The following NINL variants were observed in gnomAD, a reference collection of about 807,000 sequenced individuals.
The protein encoded by NINL is ninein-like protein.
A neutral mutation model predicts 160.3 loss-of-function variants in NINL; 153 were observed. The ratio of observed to expected loss-of-function variants is 0.95; its 90% confidence interval spans 0.84 to 1.09. NINL has a LOEUF of 1.09. Among genes scored for constraint, NINL ranks in the 50% least tolerant of loss-of-function variants. NINL has a pLI of 0.00. For synonymous variants in NINL, 800 were observed against 734.8 expected (o/e 1.09, Z -1.43); for missense variants, 1,829 against 1,764.0 (o/e 1.04, Z -0.66).
rs369056472 is a variant in NINL, at chr20:25,512,908, G to A, written c.376C>T (p.Arg126Cys). ...GCCTGGGTTTGCTGCTCCGGCACGC[G>A]TCTGGCTTCTGTGGCAGCGTCACAT... Reference protein sequence around the residue: ...ELCDAATEARRVPEQQTQASL... With the variant: ...ELCDAATEARCVPEQQTQASL... Residue 126 changes from arginine to cysteine, a missense_variant, in exon 4 of 24, where the codon CGC (arginine) becomes TGC (cysteine). By Grantham distance (180) the Arg-to-Cys change is radical (BLOSUM62 -3). Transcript: ENST00000278886. 1.9e-5 allele frequency: 31 copies of A among 1,614,084 alleles called. 2 individuals carry two copies. Among genetic ancestry groups the A allele is most frequent in the East Asian group, 6.7e-5 (3 of 44,896 alleles).
chr20:25,467,570 C>T (rs768343929), intron 18 of NINL, 112 bp from the exon 19 acceptor site: 20 of 788,678 alleles, frequency 2.5e-5, no homozygotes, highest in East Asian at 7.5e-5. Flanking sequence ...ACAGCAGAGA[C>T]GCCCACACCT....
At chr20:25,499,323 A>G in intron 8 of NINL, 3 of 800,448 alleles carry the variant, frequency 3.7e-6, no homozygotes, top group Non-Finnish European at 4.5e-6. Context: ...ACTGAGTTGC[A>G]AGGCAGAATT....
chr20:25,577,768 C>T (rs1015371823), intron 1 of NINL, among the ~76,000 whole-genome samples: 1 of 152,062 alleles, frequency 6.6e-6, no homozygotes, highest in Non-Finnish European at 1.5e-5. Context: ...CCAGCAGAAG[C>T]TCGGGGCTTA....
intron 8 of NINL, chr20:25,499,186 T>C (rs894793666): frequency 1.1e-5 from 11 of 985,354 alleles, no homozygotes; most frequent in Middle Eastern, 1.0e-3. Flanking sequence ...TGAGGAGCAA[T>C]GGCATCTTGG....
Position 25,531,995 on chromosome 20 carries a change from T to C in NINL, c.-11-5397A>G, listed in dbSNP as rs147438424. Among the ~76,000 whole-genome samples, 647 of 151,904 alleles carry C rather than the reference T, an allele frequency of 4.3e-3. 5 individuals carry two copies. Among genetic ancestry groups the C allele is most frequent in the African/African-American group, 0.015 (625 of 41,462 alleles). On this transcript the variant is annotated intron_variant, in intron 1 of 23. Coordinates refer to ENST00000278886, the MANE Select transcript of NINL (RefSeq NM_025176.6). ...GGCATCTTTCCCTTTCTAAACAAGA[T>C]GGGGAAAGTCTCTAACTGGGGCCTG... is the stretch of plus-strand genomic sequence containing the variant.
At chr20:25,526,748 A>G in intron 1 of NINL, 150 bp from the exon 2 acceptor site, 1 of 735,570 alleles carries the variant, frequency 1.4e-6, no homozygotes. Flanking sequence ...TGCAGGGCCA[A>G]GCACACAGTG....
intron 4 of NINL, among the ~76,000 whole-genome samples, chr20:25,511,663 A>C (rs1053037696): frequency 1.3e-5 from 2 of 152,220 alleles, no homozygotes; most frequent in Non-Finnish European, 2.9e-5. Flanking sequence ...GAATGGCACC[A>C]ATGAAGATCC....
At chr20:25,469,926 A>G in intron 18 of NINL, 65 bp downstream of exon 18, 1 of 1,073,286 alleles carries the variant, frequency 9.3e-7, no homozygotes, top group Non-Finnish European at 1.5e-6. Context: ...TGGAGACTGC[A>G]TAAGGTCACT....
chr20:25,516,266 T>G (rs2064158248), intron 3 of NINL, among the ~76,000 whole-genome samples: 1 of 152,074 alleles, frequency 6.6e-6, no homozygotes, highest in Non-Finnish European at 1.5e-5. Flanking sequence ...AATTACCCAG[T>G]CTCAGGTAGT....
intron 1 of NINL, among the ~76,000 whole-genome samples, chr20:25,578,344 G>C (rs967619800): frequency 6.6e-6 from 1 of 151,966 alleles, no homozygotes; most frequent in Non-Finnish European, 1.5e-5. Flanking sequence ...CTGACCTCAA[G>C]TGATCTGCCC....
rs186446232 is a variant in NINL at position 25,504,465 on chromosome 20, C to G, written c.709-361G>C. Among the ~76,000 whole-genome samples, 6 of 152,200 alleles carry G rather than the reference C, an allele frequency of 3.9e-5. No homozygotes were observed. The East Asian group carries it at 9.6e-4, about 24-fold the overall frequency. ...CAAGGACACAGGGCTGAGAAGAACT[C>G]CAGCAAGGCAGACTGGCCTCCCACC... On this transcript the variant is annotated intron_variant, in intron 6 of 23. Coordinates refer to ENST00000278886, the MANE Select transcript of NINL (RefSeq NM_025176.6).
At chr20:25,527,966 T>G (rs575298074) in intron 1 of NINL, among the ~76,000 whole-genome samples, 1 of 152,332 alleles carries the variant, frequency 6.6e-6, no homozygotes, top group African/African-American at 2.4e-5. Flanking sequence ...AACAGAAGAA[T>G]AGTTTGTCAA....
rs1349182461 is a variant in NINL at position 25,529,512 on chromosome 20, G to A, written c.-11-2914C>T. On this transcript the variant is annotated intron_variant, in intron 1 of 23. Transcript: ENST00000278886. ...AAATTACTCAACCCTTCTCAGACAG[G>A]AGTAGACAGAGGTTCAGACAGGGCG... Among the ~76,000 whole-genome samples the A allele has an allele frequency of 5.9e-5, 9 of 151,364 alleles. 1 individual carries two copies. The highest frequency in any genetic ancestry group is 2.2e-4 in the African/African-American group (9 of 41,464).
chr20:25,560,056 C>T (rs1418446703), intron 1 of NINL, among the ~76,000 whole-genome samples: 1 of 152,200 alleles, frequency 6.6e-6, no homozygotes, highest in Admixed American at 6.5e-5. Flanking sequence ...AAGCGATCTT[C>T]CACCCCAGAC....
At chr20:25,499,217 G>A in intron 8 of NINL, 1 of 985,356 alleles carries the variant, frequency 1.0e-6, no homozygotes, top group Non-Finnish European at 1.2e-6. Flanking sequence ...GGAGCCGCCT[G>A]GAAAGCTGTC....
chr20:25,584,888 C>G (rs767858495), intron 1 of NINL, among the ~76,000 whole-genome samples: 1 of 152,264 alleles, frequency 6.6e-6, no homozygotes, highest in Non-Finnish European at 1.5e-5. Flanking sequence ...AGGGGCGAAT[C>G]TGCAAAACGA....
chr20:25,549,948 C>T (rs549386543), intron 1 of NINL, among the ~76,000 whole-genome samples: 130 of 152,274 alleles, frequency 8.5e-4, no homozygotes, highest in Admixed American at 1.9e-3. Context: ...TTTAGAGCCA[C>T]AAGAATGAAA....
chr20:25,496,940 G>C (rs1281929397), intron 9 of NINL, 137 bp from the exon 10 acceptor site: 2 of 1,140,186 alleles, frequency 1.8e-6, no homozygotes, highest in Admixed American at 5.1e-5. Flanking sequence ...TGCTCCACCA[G>C]CCTGCTCCTA....
chr20:25,476,010 G>C, intron 17 of NINL, 33 bp downstream of exon 17: 1 of 1,586,840 alleles, frequency 6.3e-7, no homozygotes, highest in Non-Finnish European at 8.6e-7. Flanking sequence ...TTAGTTTGAA[G>C]TGTTTAGTTT....
Sources: gnomAD v4.1 joint callset for allele counts (sites outside exome capture counted in the v4.1 genomes callset) on GRCh38, gnomAD v4.1.1 for gene constraint, MANE v1.5 for transcripts, NCBI Gene and HGNC (gene_info 2026-07-23, HGNC 2026-07-21) for gene names.